VOPP1: variants seen among roughly 807,000 people sequenced by gnomAD.
The protein encoded by VOPP1 is WW domain binding protein VOPP1.
Under a neutral mutation model 23.5 loss-of-function variants are expected in VOPP1, and 8 were observed. The observed-to-expected ratio is 0.34, with a 90% CI of 0.20 to 0.61. VOPP1 has a LOEUF of 0.61. Ranked by LOEUF, VOPP1 falls within the 20% of genes least tolerant of loss-of-function variation. The pLI is 0.78. For synonymous variants in VOPP1, 83 were observed against 97.3 expected, an observed-to-expected ratio of 0.85 and a Z score of 0.86; for missense variants, 174 against 238.1, an observed-to-expected ratio of 0.73 and a Z score of 1.77.
chr7:55,518,559 A>G (rs1795626760), intron 2 of VOPP1, among the ~76,000 whole-genome samples: 1 of 152,172 alleles, frequency 6.6e-6, no homozygotes, highest in Non-Finnish European at 1.5e-5. Context: ...GGGGACAGGG[A>G]ACTGAGTCAG....
intron 1 of VOPP1, among the ~76,000 whole-genome samples, chr7:55,570,301 G>T (rs1798305398): frequency 6.6e-6 from 1 of 152,174 alleles, no homozygotes; most frequent in South Asian, 2.1e-4. Flanking sequence ...GCACAAAGTG[G>T]TGGTACTTAG....
intron 4 of VOPP1, among the ~76,000 whole-genome samples, chr7:55,483,092 C>T (rs183177693): frequency 4.7e-4 from 71 of 152,308 alleles, no homozygotes; most frequent in African/African-American, 1.6e-3. Flanking sequence ...GGTGCTCACG[C>T]TATTCTTAAT....
chr7:55,492,052 C>T (rs1793607893), intron 4 of VOPP1, among the ~76,000 whole-genome samples: 1 of 152,140 alleles, frequency 6.6e-6, no homozygotes. Context: ...ATATCACGTG[C>T]ATATGTGGCA....
intron 4 of VOPP1, among the ~76,000 whole-genome samples, chr7:55,477,820 T>C (rs778726554): frequency 3.2e-4 from 48 of 152,174 alleles, no homozygotes; most frequent in South Asian, 2.7e-3. Context: ...GGTTAAAAAA[T>C]TGGTGACCAC....
At chr7:55,558,877 T>C (rs764562508) in intron 1 of VOPP1, among the ~76,000 whole-genome samples, 25 of 152,166 alleles carry the variant, frequency 1.6e-4, no homozygotes, top group Admixed American at 3.9e-4. Context: ...TCAGCAATAA[T>C]AACGCAGAGT....
intron 4 of VOPP1, among the ~76,000 whole-genome samples, chr7:55,463,833 T>C (rs1791567503): frequency 6.6e-6 from 1 of 152,202 alleles, no homozygotes; most frequent in Non-Finnish European, 1.5e-5. Flanking sequence ...CCCACAATAG[T>C]GCACATAGAT....
chr7:55,505,999 T>C (rs1357608852), intron 2 of VOPP1, among the ~76,000 whole-genome samples: 1 of 152,210 alleles, frequency 6.6e-6, no homozygotes, highest in Non-Finnish European at 1.5e-5. Context: ...AATAGGACCT[T>C]AGACAGGCAA....
chr7:55,484,015 C>A (rs1792941390), intron 4 of VOPP1, among the ~76,000 whole-genome samples: 1 of 152,162 alleles, frequency 6.6e-6, no homozygotes, highest in South Asian at 2.1e-4. Context: ...CCTCAGCCTC[C>A]CCAAAGTGCT....
At chr7:55,464,067 G>A (rs1186800944) in intron 4 of VOPP1, among the ~76,000 whole-genome samples, 1 of 152,200 alleles carries the variant, frequency 6.6e-6, no homozygotes, top group Non-Finnish European at 1.5e-5. Flanking sequence ...GGTACACACA[G>A]GCACAGGCTG....
chr7:55,492,185 C>T lies in VOPP1; in HGVS notation c.328+97G>A. ...AAAATGAATAACACACCTGAGCGCT[C>T]TCTTCTGGCAGTACCCTTTCTGCAG... is the stretch of plus-strand genomic sequence containing the variant. On this transcript the variant is annotated intron_variant, in intron 4 of 4. Coordinates refer to ENST00000285279, the MANE Select transcript of VOPP1 (RefSeq NM_030796.5). 2.1e-6 allele frequency: 3 copies of T among 1,445,692 alleles called. No homozygotes were observed. In the South Asian group the frequency reaches 4.6e-5, roughly 22 times the overall value. 89.6% of individuals were successfully genotyped at this position (1,445,692 alleles called of 1,614,324 possible). A position where few individuals can be genotyped will look rare whatever the true frequency, so the allele number is the denominator to read the frequency against.
Position 55,492,436 on chromosome 7 carries a change from G to A in VOPP1, c.192-18C>T, listed in dbSNP as rs374641650. ...GAAGGAACCTGAGGAGAGTACAGAC[G>A]TGAGGGTGGTGCTCCCAGGTGGGGG... On this transcript the variant is annotated intron_variant, in intron 3 of 4. Transcript: ENST00000285279. 1.5e-5 allele frequency: 24 copies of A among 1,596,486 alleles called. No individual in the cohort carries two copies. The African/African-American group carries it at 2.0e-4, about 13-fold the overall frequency.
chr7:55,451,658 G>A (rs957087162), intron 4 of VOPP1, among the ~76,000 whole-genome samples: 5 of 152,042 alleles, frequency 3.3e-5, no homozygotes, highest in African/African-American at 1.2e-4. Flanking sequence ...GGGCGTGCTG[G>A]CGGGTGCCTG....
At chr7:55,466,878 T>C (rs1231494586), downstream of VOPP1, among the ~76,000 whole-genome samples, 2 of 152,182 alleles carry the variant, frequency 1.3e-5, no homozygotes, top group Admixed American at 6.5e-5. Context: ...ACCTCACCCA[T>C]GCCAGGAGCC....
chr7:55,492,488 A>G (rs1793653928), intron 3 of VOPP1, 70 bp from the exon 4 acceptor site: 3 of 1,514,634 alleles, frequency 2.0e-6, no homozygotes, highest in Non-Finnish European at 1.8e-6. Flanking sequence ...CTACAGCTCA[A>G]AGGCCTCATG....
At chr7:55,545,142 G>C (rs1382002375) in intron 1 of VOPP1, among the ~76,000 whole-genome samples, 1 of 152,158 alleles carries the variant, frequency 6.6e-6, no homozygotes, top group South Asian at 2.1e-4. Context: ...GGGGAAGACT[G>C]TGTTAAGCTG....
At chr7:55,498,379 G>A (rs897526747) in intron 2 of VOPP1, among the ~76,000 whole-genome samples, 5 of 152,152 alleles carry the variant, frequency 3.3e-5, no homozygotes, top group Non-Finnish European at 7.4e-5. Context: ...CCCCTGGCAG[G>A]CCACAGCTCT....
intron 4 of VOPP1, among the ~76,000 whole-genome samples, chr7:55,484,985 C>G (rs1434827666): frequency 6.6e-6 from 1 of 152,208 alleles, no homozygotes; most frequent in Non-Finnish European, 1.5e-5. Flanking sequence ...ACAGTCTCAG[C>G]ACAACAAAAC....
intron 1 of VOPP1, among the ~76,000 whole-genome samples, chr7:55,548,269 A>C (rs1373044047): frequency 6.6e-6 from 1 of 152,214 alleles, no homozygotes; most frequent in Non-Finnish European, 1.5e-5. Flanking sequence ...CAACCCCTAA[A>C]CATGTCAAGT....
chr7:55,552,691 T>C, intron 1 of VOPP1: 8 of 1,536,022 alleles, frequency 5.2e-6, no homozygotes, highest in Non-Finnish European at 5.2e-6. Flanking sequence ...GGCACTCAGG[T>C]CCTGGAGCCC....
Sources: allele counts gnomAD v4.1 joint callset (sites outside exome capture counted in the v4.1 genomes callset), GRCh38; gene constraint gnomAD v4.1.1; transcripts MANE v1.5; gene names NCBI Gene and HGNC (gene_info 2026-07-23, HGNC 2026-07-21).